The following PTPRG variants were observed in gnomAD, a reference collection of about 807,000 sequenced individuals.
PTPRG encodes protein tyrosine phosphatase receptor type G.
Under a neutral mutation model 165.3 loss-of-function variants are expected in PTPRG, and 102 were observed. That is an observed-to-expected ratio of 0.62 (90% CI 0.53 to 0.73). The LOEUF (loss-of-function observed/expected upper bound fraction) is 0.73. Among genes scored for constraint, PTPRG ranks in the 30% least tolerant of loss-of-function variants. PTPRG has a pLI of 0.00. For synonymous variants in PTPRG, 675 were observed against 669.5 expected (o/e 1.01, Z -0.13); for missense variants, 1,866 against 1,861.4 (o/e 1.00, Z -0.05).
intron 27 of PTPRG, 126 bp downstream of exon 27, chr3:62,281,835 ATATG>A: frequency 1.1e-6 from 1 of 935,260 alleles, no homozygotes; most frequent in South Asian, 2.3e-5. Context: ...TTAATTTTAA[ATATG>A]TACATTTTCC....
chr3:61,748,899 G>A lies in PTPRG; in HGVS notation c.107G>A (p.Gly36Glu). 1 of 1,613,426 alleles carries A rather than the reference G, an allele frequency of 6.2e-7. No homozygotes were observed. Among genetic ancestry groups the A allele is most frequent in the Non-Finnish European group, 8.5e-7 (1 of 1,179,928 alleles). ...CCAGCGTTGACAGAAGGCTACGTTGGGGCCCTGCACGAGAATAGACACGGC... is the reference window on the plus strand; with the variant it reads ...CCAGCGTTGACAGAAGGCTACGTTGAGGCCCTGCACGAGAATAGACACGGC... ...CFPALTEGYV[G>E]ALHENRHGSA... Residue 36 changes from glycine (G) to glutamate (E), a missense_variant, in exon 2 of 30, where the codon GGG (glycine) becomes GAG (glutamate). By Grantham distance (98) the Gly-to-Glu change is moderately conservative (BLOSUM62 -2). Coordinates refer to ENST00000474889, the MANE Select transcript of PTPRG (RefSeq NM_002841.4).
At chr3:62,246,691 G>T (rs1429721182) in intron 15 of PTPRG, among the ~76,000 whole-genome samples, 1 of 152,006 alleles carries the variant, frequency 6.6e-6, no homozygotes, top group Non-Finnish European at 1.5e-5. Flanking sequence ...CATTTTAAAT[G>T]ATTTATCTTA....
intron 8 of PTPRG, 84 bp downstream of exon 8, chr3:62,168,247 G>T: frequency 7.5e-7 from 1 of 1,326,230 alleles, no homozygotes; most frequent in East Asian, 2.5e-5. Flanking sequence ...AAGCCAGCCA[G>T]GAATTGGGAC....
chr3:62,186,817 A>G (rs1362639671), intron 8 of PTPRG, among the ~76,000 whole-genome samples: 7 of 151,804 alleles, frequency 4.6e-5, no homozygotes, highest in African/African-American at 1.7e-4. Context: ...TCCACCCACC[A>G]TGGCCTCCCA....
At chr3:61,838,100 G>T (rs1183609353) in intron 2 of PTPRG, among the ~76,000 whole-genome samples, 1 of 152,190 alleles carries the variant, frequency 6.6e-6, no homozygotes, top group Non-Finnish European at 1.5e-5. Flanking sequence ...CACAACACCG[G>T]GATGGTTAAA....
chr3:61,874,251 G>C (rs542509741), intron 2 of PTPRG, among the ~76,000 whole-genome samples: 10 of 152,222 alleles, frequency 6.6e-5, no homozygotes, highest in African/African-American at 2.2e-4. Context: ...CTTTAGGGTG[G>C]CCTAAAAGCA....
intron 14 of PTPRG, among the ~76,000 whole-genome samples, chr3:62,236,910 G>A (rs1241287812): frequency 2.0e-5 from 3 of 152,200 alleles, no homozygotes; most frequent in Non-Finnish European, 4.4e-5. Context: ...TGACCCAGAT[G>A]TCTGTAAACC....
At chr3:62,137,463 C>A (rs1282550622) in intron 6 of PTPRG, among the ~76,000 whole-genome samples, 33 of 152,086 alleles carry the variant, frequency 2.2e-4, no homozygotes, top group Admixed American at 2.2e-3. Flanking sequence ...ACTTTTGAAG[C>A]CTTAGGTTGT....
chr3:62,146,653 G>C (rs184678309), intron 6 of PTPRG, among the ~76,000 whole-genome samples: 1 of 149,810 alleles, frequency 6.7e-6, no homozygotes, highest in African/African-American at 2.5e-5. Context: ...AAAATACGCC[G>C]CCCTCATATA....
chr3:61,733,715 T>G (rs1376323354), intron 1 of PTPRG, among the ~76,000 whole-genome samples: 1 of 152,226 alleles, frequency 6.6e-6, no homozygotes, highest in Non-Finnish European at 1.5e-5. Flanking sequence ...TTAAAAATCT[T>G]TGTTTCTGCC....
At chr3:61,649,395 A>G (rs1702288186) in intron 1 of PTPRG, among the ~76,000 whole-genome samples, 2 of 152,190 alleles carry the variant, frequency 1.3e-5, no homozygotes, top group African/African-American at 2.4e-5. Flanking sequence ...AGGTGCCAGC[A>G]GGTTCAGCTG....
At chr3:62,287,220 G>A (rs1702698212) in intron 28 of PTPRG, among the ~76,000 whole-genome samples, 1 of 152,106 alleles carries the variant, frequency 6.6e-6, no homozygotes, top group African/African-American at 2.4e-5. Context: ...CACTAGAACA[G>A]ATTAAACAAA....
At chr3:61,663,919 C>T (rs1381690390) in intron 1 of PTPRG, among the ~76,000 whole-genome samples, 1 of 152,152 alleles carries the variant, frequency 6.6e-6, no homozygotes, top group Non-Finnish European at 1.5e-5. Context: ...TTGTGCAGCT[C>T]GGTTCCTGAC....
At chr3:62,114,802 C>T (rs1702800694) in intron 5 of PTPRG, among the ~76,000 whole-genome samples, 1 of 151,996 alleles carries the variant, frequency 6.6e-6, no homozygotes, top group Non-Finnish European at 1.5e-5. Flanking sequence ...CCACCTTGCC[C>T]TACTAATTTT....
chr3:61,898,662 TGGAGTCTCTTTTC>T (rs2038423545), intron 2 of PTPRG, among the ~76,000 whole-genome samples: 1 of 152,220 alleles, frequency 6.6e-6, no homozygotes, highest in Non-Finnish European at 1.5e-5. Context: ...ATTTTTGCAA[TGGAGTCTCTTTTC>T]TTATTGAATA....
Position 61,915,937 on chromosome 3 carries a change from C to T in PTPRG, c.191-73688C>T, listed in dbSNP as rs544915906. 5.3e-5 allele frequency among the ~76,000 whole-genome samples: 8 copies of T among 152,304 alleles called. No homozygotes were observed. The East Asian group carries it at 1.2e-3, about 22-fold the overall frequency. On this transcript the variant is annotated intron_variant, in intron 2 of 29. Coordinates refer to ENST00000474889, the MANE Select transcript of PTPRG (RefSeq NM_002841.4). Reference sequence around the variant, plus strand: ...CTGAACAGCACAAATAATTGCAGCCCATTCCTGAATTAATGTGTCTGGGTG... The same window carrying T: ...CTGAACAGCACAAATAATTGCAGCCTATTCCTGAATTAATGTGTCTGGGTG...
intron 2 of PTPRG, among the ~76,000 whole-genome samples, chr3:61,922,332 T>C (rs2039098197): frequency 6.6e-6 from 1 of 152,254 alleles, no homozygotes; most frequent in Admixed American, 6.5e-5. Context: ...ATGTTTGTGC[T>C]AAATGCTTGG....
chr3:61,612,029 G>A (rs1701185141), intron 1 of PTPRG, among the ~76,000 whole-genome samples: 1 of 152,052 alleles, frequency 6.6e-6, no homozygotes, highest in South Asian at 2.1e-4. Flanking sequence ...TGCAACCTCC[G>A]CCTCCCGGGT....
chr3:62,089,859 C>T (rs145634509), intron 5 of PTPRG, among the ~76,000 whole-genome samples: 8 of 152,218 alleles, frequency 5.3e-5, no homozygotes, highest in African/African-American at 1.9e-4. Flanking sequence ...TTGGATTTGT[C>T]CAAAGTTGAT....
Sources: gnomAD v4.1 joint callset for allele counts (sites outside exome capture counted in the v4.1 genomes callset) on GRCh38, gnomAD v4.1.1 for gene constraint, MANE v1.5 for transcripts, NCBI Gene and HGNC (gene_info 2026-07-23, HGNC 2026-07-21) for gene names.